The following EPHA5 variants were observed in gnomAD, a reference collection of about 807,000 sequenced individuals.
EPHA5 encodes the protein ephrin type-A receptor 5.
A neutral mutation model predicts 105.0 loss-of-function variants in EPHA5; 60 were observed. The ratio of observed to expected loss-of-function variants is 0.57; its 90% confidence interval spans 0.46 to 0.71. The LOEUF (loss-of-function observed/expected upper bound fraction) is 0.71, where lower values mean the gene tolerates loss of function less well. EPHA5 is among the 30% of genes least tolerant of loss of function. The pLI is 0.00. For missense variants in EPHA5, 1,218 were observed against 1,274.7 expected (o/e 0.96, Z 0.68); for synonymous variants, 513 against 449.1 (o/e 1.14, Z -1.80).
At chr4:65,566,801 A>G (rs1385098076) in intron 3 of EPHA5, among the ~76,000 whole-genome samples, 3 of 151,828 alleles carry the variant, frequency 2.0e-5, no homozygotes, top group Non-Finnish European at 3.0e-5. Flanking sequence ...CCAAACTGTA[A>G]CATCACTAAA....
rs143046143 is a variant in EPHA5, at chr4:65,617,207, C to A, written c.247-14903G>T. On this transcript the variant is annotated intron_variant, in intron 2 of 16. Transcript: ENST00000613740. ...AATACCATATCATATTATCTTAAAT[C>A]CTGTTTACTCCTCTTACACGCATTT... 2.4e-3 allele frequency among the ~76,000 whole-genome samples: 367 copies of A among 152,098 alleles called. 3 individuals carry two copies. Among genetic ancestry groups the A allele is most frequent in the African/African-American group, 8.4e-3 (348 of 41,520 alleles).
rs200305031 is a variant in EPHA5 at position 65,332,106 on chromosome 4, G to A, written c.2812C>T (p.His938Tyr). ...TAGGCCCCAGATCCTAGTGGGCTAT[G>A]TTCTGCCAATAAATTAGATACTCTA... ...SCRVSNLLAEHSPLGSGAYRS... is the reference protein window; with the variant it reads ...SCRVSNLLAEYSPLGSGAYRS... Residue 938 changes from histidine to tyrosine, a missense_variant, in exon 16 of 17, where the codon CAT becomes TAT. By Grantham distance (83) the His-to-Tyr change is moderately conservative. This residue lies in a region of EPHA5 where 971 missense variants were observed against 1,013.5 expected (regional missense o/e 0.96). Transcript: ENST00000613740. 1.2e-6 allele frequency: 2 copies of A among 1,602,678 alleles called. No homozygotes were observed. Among genetic ancestry groups the A allele is most frequent in the East Asian group, 2.2e-5 (1 of 44,712 alleles).
intron 2 of EPHA5, among the ~76,000 whole-genome samples, chr4:65,607,686 A>C (rs1744368802): frequency 6.6e-6 from 1 of 152,170 alleles, no homozygotes; most frequent in African/African-American, 2.4e-5. Context: ...GAAACCACAG[A>C]TGCTGGAGAG....
chr4:65,367,692 A>G (rs1404354385), intron 8 of EPHA5, among the ~76,000 whole-genome samples: 9 of 152,040 alleles, frequency 5.9e-5, no homozygotes, highest in Non-Finnish European at 1.0e-4. Flanking sequence ...CAAATACTGT[A>G]TACCAGACAT....
At chr4:65,450,718 T>G (rs900329530) in intron 5 of EPHA5, among the ~76,000 whole-genome samples, 1 of 152,190 alleles carries the variant, frequency 6.6e-6, no homozygotes, top group African/African-American at 2.4e-5. Context: ...TTCATTTTTT[T>G]GACAGAATGA....
chr4:65,468,600 AT>A (rs1560571722), intron 5 of EPHA5, among the ~76,000 whole-genome samples: 3 of 8,474 alleles, frequency 3.5e-4, no homozygotes, highest in Middle Eastern at 0.1. Context: ...TATAATATAT[AT>A]ATTATATATA....
chr4:65,428,697 A>C (rs1724687749), intron 5 of EPHA5, among the ~76,000 whole-genome samples: 3 of 152,116 alleles, frequency 2.0e-5, no homozygotes, highest in African/African-American at 7.2e-5. Flanking sequence ...CAAAGACTTG[A>C]AAATCACAAA....
chr4:65,330,380 C>A (rs533120221), intron 16 of EPHA5, among the ~76,000 whole-genome samples: 30 of 151,300 alleles, frequency 2.0e-4, no homozygotes, highest in Non-Finnish European at 2.7e-4. Context: ...AACTATAATG[C>A]TAAAATATTC....
intron 5 of EPHA5, among the ~76,000 whole-genome samples, chr4:65,461,070 T>C (rs1457154319): frequency 2.6e-5 from 4 of 151,860 alleles, no homozygotes. Context: ...AAATCATAAA[T>C]ACCCTCATAA....
intron 5 of EPHA5, among the ~76,000 whole-genome samples, chr4:65,455,499 C>A (rs576108501): frequency 6.6e-6 from 1 of 152,070 alleles, no homozygotes; most frequent in Non-Finnish European, 1.5e-5. Context: ...TCATAAGGAA[C>A]GCTGATCTGC....
chr4:65,472,877 A>G (rs1424347269), intron 5 of EPHA5, among the ~76,000 whole-genome samples: 3 of 152,228 alleles, frequency 2.0e-5, no homozygotes, highest in East Asian at 1.9e-4. Context: ...CCTTGTTACT[A>G]TGCAAATTTA....
chr4:65,643,543 C>A (rs1747852745), intron 1 of EPHA5, 116 bp from the exon 2 acceptor site: 1 of 757,006 alleles, frequency 1.3e-6, no homozygotes, highest in South Asian at 1.8e-5. Context: ...ATTAAGTGTT[C>A]ATTATGATGA....
chr4:65,656,978 T>C (rs368538121), intron 1 of EPHA5, among the ~76,000 whole-genome samples: 2 of 151,006 alleles, frequency 1.3e-5, no homozygotes, highest in East Asian at 3.9e-4. Context: ...GGAGAAATAG[T>C]TCATTTAAAA....
intron 2 of EPHA5, among the ~76,000 whole-genome samples, chr4:65,626,033 G>A (rs1746119578): frequency 1.3e-5 from 2 of 151,296 alleles, no homozygotes; most frequent in South Asian, 2.1e-4. Flanking sequence ...CCCGGGAGGC[G>A]GAGCTTGCAG....
At chr4:65,599,636 A>G (rs1418486786) in intron 3 of EPHA5, among the ~76,000 whole-genome samples, 2 of 152,108 alleles carry the variant, frequency 1.3e-5, no homozygotes, top group African/African-American at 2.4e-5. Flanking sequence ...AACTTTTTGC[A>G]TTACCTCTGC....
chr4:65,639,053 A>G (rs1022580852), intron 2 of EPHA5, among the ~76,000 whole-genome samples: 1 of 152,270 alleles, frequency 6.6e-6, no homozygotes, highest in African/African-American at 2.4e-5. Flanking sequence ...ACATCAAATC[A>G]TAAAACAATA....
chr4:65,360,398 G>A (rs955299415), intron 11 of EPHA5, among the ~76,000 whole-genome samples: 2 of 151,694 alleles, frequency 1.3e-5, no homozygotes, highest in African/African-American at 4.8e-5. Context: ...GATGAAATAT[G>A]AGGTTGGTTA....
chr4:65,331,674 C>T (rs1226932220), intron 16 of EPHA5: 2 of 1,122,896 alleles, frequency 1.8e-6, no homozygotes, highest in Non-Finnish European at 2.2e-6. Flanking sequence ...TATAAAAAAA[C>T]TTGTCAAGAA....
At chr4:65,609,155 G>A (rs1744520042) in intron 2 of EPHA5, among the ~76,000 whole-genome samples, 1 of 152,100 alleles carries the variant, frequency 6.6e-6, no homozygotes, top group South Asian at 2.1e-4. Context: ...AATAAAACAT[G>A]TAGCACAGTT....
Sources: gnomAD v4.1 joint callset for allele counts (sites outside exome capture counted in the v4.1 genomes callset) on GRCh38, gnomAD v4.1.1 for gene constraint, gnomAD v4.1.1 regional missense constraint, MANE v1.5 for transcripts, NCBI Gene and HGNC (gene_info 2026-07-23, HGNC 2026-07-21) for gene names.